RPS6KC1: variants seen among roughly 807,000 people sequenced by gnomAD.
RPS6KC1 encodes the protein inactive ribosomal protein S6 kinase delta-1.
RPS6KC1 carries 54 observed loss-of-function variants against 103.8 expected under a neutral mutation model. The ratio of observed to expected loss-of-function variants is 0.52; its 90% confidence interval spans 0.42 to 0.65. RPS6KC1 has a LOEUF of 0.65. Among genes scored for constraint, RPS6KC1 ranks in the 30% least tolerant of loss-of-function variants. The pLI is 0.00. For synonymous variants in RPS6KC1, 439 were observed against 438.7 expected (o/e 1.00, Z -0.01); for missense variants, 1,151 against 1,253.8 (o/e 0.92, Z 1.24).
At chr1:213,337,079 A>G in the RPS6KC1 span, among the ~76,000 whole-genome samples, 25 of 152,202 alleles carry the variant, frequency 1.6e-4, no homozygotes, top group African/African-American at 5.3e-4. Flanking sequence ...ACTGCATTGC[A>G]TGTCTACAGA....
the RPS6KC1 span, among the ~76,000 whole-genome samples, chr1:213,615,005 C>T: frequency 6.6e-6 from 1 of 152,190 alleles, no homozygotes; most frequent in African/African-American, 2.4e-5. Context: ...TCACCATGCC[C>T]AGCTGGAAAT....
the RPS6KC1 span, among the ~76,000 whole-genome samples, chr1:213,320,110 A>G: frequency 1.4e-3 from 213 of 152,300 alleles, 11 homozygotes; most frequent in Non-Finnish European, 1.1e-3. Context: ...TAACAAGTTC[A>G]CTGTATTTTT....
At chr1:213,649,289 C>G in the RPS6KC1 span, among the ~76,000 whole-genome samples, 2 of 149,884 alleles carry the variant, frequency 1.3e-5, no homozygotes, top group African/African-American at 2.5e-5. Context: ...CCAACAATGT[C>G]TCTCCAGTAA....
chr1:213,062,490 G>A (rs953959408), intron 1 of RPS6KC1, among the ~76,000 whole-genome samples: 2 of 151,978 alleles, frequency 1.3e-5, no homozygotes, highest in Non-Finnish European at 1.5e-5. Context: ...ACAGCTTTTT[G>A]TATATGTCTG....
chr1:213,856,088 A>G, the RPS6KC1 span, among the ~76,000 whole-genome samples: 1 of 152,286 alleles, frequency 6.6e-6, no homozygotes, highest in South Asian at 2.1e-4. Context: ...TGTCGGCTGA[A>G]GCTTTCCCTT....
At chr1:213,858,822 C>G in the RPS6KC1 span, among the ~76,000 whole-genome samples, 1 of 152,164 alleles carries the variant, frequency 6.6e-6, no homozygotes, top group Admixed American at 6.5e-5. Flanking sequence ...TGCAAACATG[C>G]CCCCTACAGG....
At chr1:213,600,255 A>C in the RPS6KC1 span, among the ~76,000 whole-genome samples, 13 of 152,282 alleles carry the variant, frequency 8.5e-5, no homozygotes, top group African/African-American at 3.1e-4. Flanking sequence ...TCTTTATAGC[A>C]ATCTGAAAAC....
chr1:213,076,460 A>G (rs1248013911), intron 2 of RPS6KC1, among the ~76,000 whole-genome samples: 2 of 152,200 alleles, frequency 1.3e-5, no homozygotes, highest in African/African-American at 2.4e-5. Flanking sequence ...AACTTGTTAG[A>G]AAACTTTGTT....
At chr1:213,684,895 C>T in the RPS6KC1 span, among the ~76,000 whole-genome samples, 1 of 152,242 alleles carries the variant, frequency 6.6e-6, no homozygotes, top group African/African-American at 2.4e-5. Context: ...TGCAAGGGAG[C>T]TGAATCCCGA....
the RPS6KC1 span, among the ~76,000 whole-genome samples, chr1:213,717,638 G>T: frequency 3.3e-5 from 5 of 152,190 alleles, no homozygotes; most frequent in African/African-American, 7.2e-5. Flanking sequence ...GCCATTGAAG[G>T]CTTTAAGAGA....
the RPS6KC1 span, among the ~76,000 whole-genome samples, chr1:213,343,389 G>A: frequency 4.6e-5 from 3 of 65,836 alleles, no homozygotes; most frequent in African/African-American, 2.3e-4. Flanking sequence ...TCAGTGTTGT[G>A]TGTATATATA....
the RPS6KC1 span, among the ~76,000 whole-genome samples, chr1:213,286,236 C>T: frequency 6.6e-6 from 1 of 152,182 alleles, no homozygotes; most frequent in African/African-American, 2.4e-5. Context: ...CCCTTAGAAA[C>T]AGTGTCCAAC....
At chr1:213,212,279 A>G (rs936871799) in intron 8 of RPS6KC1, among the ~76,000 whole-genome samples, 14 of 150,266 alleles carry the variant, frequency 9.3e-5, no homozygotes, top group African/African-American at 2.2e-4. Flanking sequence ...TTTTTTTTCT[A>G]TCTCCACAGT....
Position 213,232,230 on chromosome 1 carries a change from ATTTC to A in RPS6KC1, c.1203_1206del (p.Phe401LeufsTer19), listed in dbSNP as rs1212154018. The stretch of plus-strand genomic sequence containing the variant: ...AGTACATCATCTCTGAGGAGTCAGT[ATTTC>A]TTGTGCTGCAGCATGCGGAAGGTTG... On this transcript the variant is annotated frameshift_variant, in exon 10 of 15. Transcript: ENST00000366960. LOFTEE classifies it high-confidence loss of function. 6.2e-7 allele frequency: 1 copy of A among 1,613,838 alleles called. No homozygotes were observed. The highest frequency in any genetic ancestry group is 1.3e-5 in the African/African-American group (1 of 74,898).
the RPS6KC1 span, among the ~76,000 whole-genome samples, chr1:213,361,109 G>T: frequency 6.6e-6 from 1 of 152,230 alleles, no homozygotes; most frequent in Admixed American, 6.5e-5. Flanking sequence ...ATTTAAGTCT[G>T]CAGAGGTTTC....
intron 8 of RPS6KC1, among the ~76,000 whole-genome samples, chr1:213,216,071 A>C (rs534246148): frequency 2.9e-4 from 44 of 152,352 alleles, no homozygotes; most frequent in Non-Finnish European, 1.8e-4. Flanking sequence ...CAATTAAAAG[A>C]TACAGACTGG....
chr1:213,180,968 C>A (rs1252119055), intron 8 of RPS6KC1, among the ~76,000 whole-genome samples: 1 of 152,116 alleles, frequency 6.6e-6, no homozygotes, highest in Admixed American at 6.5e-5. Flanking sequence ...CAGTAACGTA[C>A]CAATGTTACT....
chr1:213,094,448 AT>A lies in RPS6KC1; in HGVS notation c.263-9998del, dbSNP rs373257925. On this transcript the variant is annotated intron_variant, in intron 3 of 14. Transcript: ENST00000366960. ...GTTTCTTTAATCTAGAATAGTTCTTATTTTTTTTCTTTTTGATTTTTCATAA... is the reference window on the plus strand; with the variant it reads ...GTTTCTTTAATCTAGAATAGTTCTTATTTTTTTCTTTTTGATTTTTCATAA... 3.7e-3 allele frequency among the ~76,000 whole-genome samples: 558 copies of A among 149,132 alleles called. 4 individuals carry two copies. The highest frequency in any genetic ancestry group is 0.013 in the African/African-American group (510 of 40,564).
At chr1:213,558,981 A>G in the RPS6KC1 span, among the ~76,000 whole-genome samples, 13 of 152,380 alleles carry the variant, frequency 8.5e-5, no homozygotes, top group African/African-American at 2.6e-4. Context: ...TCTTTGATCA[A>G]TTAAACTCTG....
Sources: gnomAD v4.1 joint callset for allele counts (sites outside exome capture counted in the v4.1 genomes callset) on GRCh38, gnomAD v4.1.1 for gene constraint, MANE v1.5 for transcripts, NCBI Gene and HGNC (gene_info 2026-07-23, HGNC 2026-07-21) for gene names.